Variants in PLPPR1 observed in about 807,000 individuals in gnomAD.
PLPPR1 encodes the protein phospholipid phosphatase related 1, also known as phospholipid phosphatase-related protein type 1.
In PLPPR1, 10 loss-of-function variants were observed where a neutral mutation model predicts 33.1. That is an observed-to-expected ratio of 0.30 (90% confidence interval 0.19 to 0.51). PLPPR1 has a LOEUF of 0.51. Among genes scored for constraint, PLPPR1 ranks in the 20% least tolerant of loss-of-function variants. The pLI, the probability that PLPPR1 is intolerant of heterozygous loss-of-function variation, is 0.97. For synonymous variants in PLPPR1, 151 were observed against 151.0 expected (o/e 1.00, Z 0.00); for missense variants, 304 against 408.1 (o/e 0.74, Z 2.20).
At chr9:101,163,895 T>C (rs1415006535) in intron 1 of PLPPR1, among the ~76,000 whole-genome samples, 1 of 152,152 alleles carries the variant, frequency 6.6e-6, no homozygotes, top group Admixed American at 6.6e-5. Context: ...TTCAATGACA[T>C]AGGAAAGAAG....
intron 4 of PLPPR1, among the ~76,000 whole-genome samples, chr9:101,292,416 A>G (rs956518870): frequency 3.3e-4 from 50 of 152,304 alleles, no homozygotes; most frequent in African/African-American, 1.2e-3. Context: ...GCAGGCCAAC[A>G]TTCAAATTCA....
intron 1 of PLPPR1, among the ~76,000 whole-genome samples, chr9:101,087,737 A>C (rs1830695860): frequency 6.6e-6 from 1 of 152,200 alleles, no homozygotes; most frequent in African/African-American, 2.4e-5. Context: ...ATTATCTGGG[A>C]AGTGGGAAGG....
intron 1 of PLPPR1, among the ~76,000 whole-genome samples, chr9:101,052,577 T>C (rs1830234466): frequency 6.6e-6 from 1 of 152,160 alleles, no homozygotes; most frequent in African/African-American, 2.4e-5. Flanking sequence ...GGCTGGGATT[T>C]CCCTCTATGT....
intron 2 of PLPPR1, among the ~76,000 whole-genome samples, chr9:101,242,925 A>C (rs1827505476): frequency 6.6e-6 from 1 of 152,090 alleles, no homozygotes; most frequent in Non-Finnish European, 1.5e-5. Context: ...CAGGAAAATA[A>C]GGCTCTAAGT....
chr9:101,322,198 CAAAAAAAAAAAAA>C (rs57344415), intron 7 of PLPPR1, among the ~76,000 whole-genome samples: 62 of 27,686 alleles, frequency 2.2e-3, no homozygotes, highest in Non-Finnish European at 3.2e-3. Flanking sequence ...GACTTCATCT[CAAAAAAAAAAAAA>C]AAAAAAAAAA....
At chr9:101,298,160 A>G (rs1828682937) in intron 4 of PLPPR1, among the ~76,000 whole-genome samples, 1 of 152,234 alleles carries the variant, frequency 6.6e-6, no homozygotes, top group Non-Finnish European at 1.5e-5. Context: ...AAACTGATCC[A>G]AATATGCAAA....
chr9:101,230,818 C>T (rs1019826277), intron 2 of PLPPR1, among the ~76,000 whole-genome samples: 2 of 133,626 alleles, frequency 1.5e-5, no homozygotes, highest in Non-Finnish European at 3.1e-5. Flanking sequence ...GACTTTTAGA[C>T]ATTATTAAAG....
At chr9:101,240,687 T>G (rs1827446022) in intron 2 of PLPPR1, among the ~76,000 whole-genome samples, 1 of 152,178 alleles carries the variant, frequency 6.6e-6, no homozygotes, top group South Asian at 2.1e-4. Context: ...TTAGCCCACA[T>G]ATTTTTAAGC....
At chr9:101,127,589 T>A (rs1489222407) in intron 1 of PLPPR1, among the ~76,000 whole-genome samples, 2 of 152,148 alleles carry the variant, frequency 1.3e-5, no homozygotes, top group Non-Finnish European at 2.9e-5. Flanking sequence ...ATACAATCAA[T>A]CCTGGGAGAG....
Position 101,288,566 on chromosome 9 carries a change from T to A in PLPPR1, c.385+2330T>A, listed in dbSNP as rs563104403. The stretch of plus-strand genomic sequence containing the variant: ...GGGATTGCTGGGTTTAGTAAAAAAA[T>A]AAAAAAATAAAAAAAAAGCACTTCC... On this transcript the variant is annotated intron_variant, in intron 4 of 7. Transcript: ENST00000374874. Among the ~76,000 whole-genome samples, 132 of 148,266 alleles carry A rather than the reference T, an allele frequency of 8.9e-4. 1 individual carries two copies. The highest frequency in any genetic ancestry group is 1.3e-3 in the Non-Finnish European group (89 of 67,146).
intron 1 of PLPPR1, among the ~76,000 whole-genome samples, chr9:101,033,729 A>C (rs1181208453): frequency 6.6e-6 from 1 of 152,158 alleles, no homozygotes; most frequent in Non-Finnish European, 1.5e-5. Flanking sequence ...TTTAATCTTG[A>C]CAACACCTAT....
At chr9:101,288,542 G>A (rs988125467) in intron 4 of PLPPR1, among the ~76,000 whole-genome samples, 7 of 151,634 alleles carry the variant, frequency 4.6e-5, no homozygotes, top group African/African-American at 1.7e-4. Context: ...AAGGCAAAGG[G>A]GATTGCTGGG....
chr9:101,198,958 C>G (rs930261523), intron 2 of PLPPR1, among the ~76,000 whole-genome samples: 10 of 152,166 alleles, frequency 6.6e-5, no homozygotes, highest in Non-Finnish European at 1.5e-4. Context: ...CTTTGGGAAA[C>G]AAGAGCATTC....
In PLPPR1 at chr9:101,253,373, C is replaced by A. The variant is rs139423744; in HGVS notation, c.64-16507C>A. Among the ~76,000 whole-genome samples, 1,340 of 151,994 alleles carry A rather than the reference C, an allele frequency of 8.8e-3. 49 individuals are homozygous for A. The highest frequency in any genetic ancestry group is 0.064 in the Admixed American group (983 of 15,260). ...GACCAACCTGGCCAACATGGTGAAACCCCATCTCTACTAAAAATACAAAAT... is the reference window on the plus strand; with the variant it reads ...GACCAACCTGGCCAACATGGTGAAAACCCATCTCTACTAAAAATACAAAAT... On this transcript the variant is annotated intron_variant, in intron 2 of 7. Transcript: ENST00000374874.
chr9:101,307,054 C>T lies in PLPPR1; in HGVS notation c.386-2157C>T, dbSNP rs560540135. Among the ~76,000 whole-genome samples the T allele has an allele frequency of 2.6e-3, 389 of 152,322 alleles. 1 individual carries two copies. Among genetic ancestry groups the T allele is most frequent in the Non-Finnish European group, 4.6e-3 (312 of 68,032 alleles). Reference sequence around the variant, plus strand: ...GTGGGCTTCCCAGGCTGATGCGGTACTTCCTGAAGCTGGATCAAATGCACC... The same window carrying T: ...GTGGGCTTCCCAGGCTGATGCGGTATTTCCTGAAGCTGGATCAAATGCACC... On this transcript the variant is annotated intron_variant, in intron 4 of 7. Transcript: ENST00000374874.
At chr9:101,308,411 C>T (rs1828892913) in intron 4 of PLPPR1, among the ~76,000 whole-genome samples, 2 of 152,170 alleles carry the variant, frequency 1.3e-5, no homozygotes, top group Admixed American at 6.5e-5. Flanking sequence ...AGGAACACAG[C>T]CCTGCCAATG....
chr9:101,211,042 C>T (rs973868769), intron 2 of PLPPR1, among the ~76,000 whole-genome samples: 2 of 152,216 alleles, frequency 1.3e-5, no homozygotes, highest in Non-Finnish European at 2.9e-5. Context: ...GCTGGGATTA[C>T]AGGCGTAAGC....
At chr9:101,257,470 C>T (rs1564018523) in intron 2 of PLPPR1, among the ~76,000 whole-genome samples, 2 of 152,134 alleles carry the variant, frequency 1.3e-5, no homozygotes, top group Non-Finnish European at 2.9e-5. Flanking sequence ...CCCTTAGGGC[C>T]TCACATCTTG....
At chr9:101,101,852 C>G (rs1165319988) in intron 1 of PLPPR1, among the ~76,000 whole-genome samples, 2 of 152,098 alleles carry the variant, frequency 1.3e-5, no homozygotes, top group Non-Finnish European at 2.9e-5. Context: ...CCCTAAACCA[C>G]AAAGCAGATG....
Sources: allele counts gnomAD v4.1 joint callset (sites outside exome capture counted in the v4.1 genomes callset), GRCh38; gene constraint gnomAD v4.1.1; transcripts MANE v1.5; gene names NCBI Gene and HGNC (gene_info 2026-07-23, HGNC 2026-07-21).